TMEM132C: variants seen among roughly 807,000 people sequenced by gnomAD.
The protein encoded by TMEM132C is protein phosphatase 1, regulatory subunit 152.
TMEM132C carries 29 observed loss-of-function variants against 61.4 expected under a neutral mutation model. The observed-to-expected ratio is 0.47, with a 90% CI of 0.35 to 0.64. The LOEUF is 0.64. Ranked by LOEUF, TMEM132C falls within the 30% of genes least tolerant of loss-of-function variation. The pLI, the probability that TMEM132C is intolerant of heterozygous loss-of-function variation, is 0.00. For missense variants in TMEM132C, 1,408 were observed against 1,476.9 expected, an observed-to-expected ratio of 0.95 and a Z score of 0.76; for synonymous variants, 656 against 633.1, an observed-to-expected ratio of 1.04 and a Z score of -0.54.
intron 5 of TMEM132C, among the ~76,000 whole-genome samples, chr12:128,670,637 T>C (rs1954522961): frequency 2.0e-5 from 3 of 152,360 alleles, no homozygotes; most frequent in East Asian, 3.9e-4. Context: ...CAGTCTTCCA[T>C]TGTGTTTATA....
In TMEM132C at chr12:128,695,870, C is replaced by T. The variant is rs1325816965; in HGVS notation, c.1696C>T (p.Arg566Trp). The T allele has an allele frequency of 2.4e-5, 37 of 1,546,526 alleles. No individual in the cohort carries two copies. Among genetic ancestry groups the T allele is most frequent in the Non-Finnish European group, 2.9e-5 (33 of 1,144,270 alleles). ...CGAGGATGAGGACGAGGAGGAGCGG[C>T]GGGGCCGGGGCTGCGCACTGCAATA... Reference protein sequence around the residue: ...ESEDEDEEERRGRGCALQYQH... With the variant: ...ESEDEDEEERWGRGCALQYQH... The change falls in exon 7 of 9, where the codon CGG becomes TGG. Residue 566 changes from arginine to tryptophan, a missense_variant. Arg to Trp is a moderately radical substitution (Grantham distance 101). Transcript: ENST00000435159.
At chr12:128,703,681 C>A (rs1289908731) in intron 8 of TMEM132C, among the ~76,000 whole-genome samples, 12 of 152,198 alleles carry the variant, frequency 7.9e-5, no homozygotes, top group Admixed American at 7.9e-4. Flanking sequence ...TGTGTCTTCG[C>A]TATTGTGACT....
chr12:128,366,406 C>T (rs1565914241), intron 1 of TMEM132C, among the ~76,000 whole-genome samples: 1 of 152,178 alleles, frequency 6.6e-6, no homozygotes, highest in East Asian at 1.9e-4. Flanking sequence ...GGGTTTAAAA[C>T]AATGCATCAC....
chr12:128,532,970 C>G (rs115873271), intron 2 of TMEM132C, among the ~76,000 whole-genome samples: 263 of 152,304 alleles, frequency 1.7e-3, no homozygotes, highest in African/African-American at 6.2e-3. Context: ...AAACCCACAG[C>G]CCCCTTCCTT....
At chr12:128,445,210 T>C (rs1869936071) in intron 2 of TMEM132C, among the ~76,000 whole-genome samples, 1 of 145,556 alleles carries the variant, frequency 6.9e-6, no homozygotes, top group Non-Finnish European at 1.5e-5. Context: ...AAAAAAAAAC[T>C]ACAACTTTTT....
rs146930046 is a variant in TMEM132C, at chr12:128,339,209, G to A, written c.85+71722G>A. On this transcript the variant is annotated intron_variant, in intron 1 of 8. Transcript: ENST00000435159. ...GCATGTGGTCTGTGTTCAGGGAGAC[G>A]TGCCAGGGACCTCCAAGGGCTTCCA... Among the ~76,000 whole-genome samples the A allele has an allele frequency of 1.3e-3, 195 of 152,148 alleles. 1 individual carries two copies. Among genetic ancestry groups the A allele is most frequent in the African/African-American group, 4.0e-3 (168 of 41,520 alleles).
chr12:128,674,341 G>A (rs76206633), intron 5 of TMEM132C, among the ~76,000 whole-genome samples: 9,696 of 152,226 alleles, frequency 0.064, 904 homozygotes, highest in African/African-American at 0.21. Context: ...ACCATATTGT[G>A]TTCATCCATT....
chr12:128,436,818 A>G (rs574768642), intron 2 of TMEM132C, among the ~76,000 whole-genome samples: 9 of 152,222 alleles, frequency 5.9e-5, no homozygotes, highest in Non-Finnish European at 1.3e-4. Flanking sequence ...AGGATTATAA[A>G]TCATACTACT....
At position 128,705,934 on chromosome 12, in the gene TMEM132C, C is replaced by T. The variant is rs766343889; in HGVS notation, c.2966C>T (p.Pro989Leu). Residue 989 changes from proline to leucine, a missense_variant, in exon 9 of 9, where the codon CCG becomes CTG. Coordinates refer to ENST00000435159, the MANE Select transcript of TMEM132C (RefSeq NM_001136103.3). The stretch of plus-strand genomic sequence containing the variant: ...CTGGAGAGCATGGGGGATGCGCCGC[C>T]GCCCCAGGACGAGCACACCACCATC... ...ELLESMGDAP[P>L]PQDEHTTIID... is the part of the protein sequence containing the mutation. 68 of 1,551,338 alleles carry T rather than the reference C, an allele frequency of 4.4e-5. No homozygotes were observed. The highest frequency in any genetic ancestry group is 3.0e-4 in the South Asian group (25 of 84,058).
At chr12:128,700,251 G>A (rs144036037) in intron 8 of TMEM132C, among the ~76,000 whole-genome samples, 15 of 152,284 alleles carry the variant, frequency 9.9e-5, no homozygotes, top group African/African-American at 3.6e-4. Context: ...TGAAAGGATA[G>A]AGCTCTAAAT....
At chr12:128,647,750 G>T (rs1954221529) in intron 4 of TMEM132C, among the ~76,000 whole-genome samples, 1 of 150,952 alleles carries the variant, frequency 6.6e-6, no homozygotes, top group Admixed American at 6.6e-5. Flanking sequence ...GATCCCATCA[G>T]CGTTGGATGT....
At position 128,267,422 on chromosome 12, in the gene TMEM132C, C is replaced by A. The variant is rs1025546121; in HGVS notation, c.20C>A (p.Ala7Asp). Residue 7 changes from alanine to aspartate, a missense_variant, in exon 1 of 9, where the codon GCC becomes GAC. Coordinates refer to ENST00000435159, the MANE Select transcript of TMEM132C (RefSeq NM_001136103.3). MRSEGA[A>D]PGPAAPLCGA... The stretch of plus-strand genomic sequence containing the variant: ...CGCAGGATGCGCTCCGAGGGTGCGG[C>A]CCCCGGGCCGGCGGCGCCGCTGTGC... 8.1e-7 allele frequency: 1 copy of A among 1,232,116 alleles called. No individual in the cohort carries two copies. Among genetic ancestry groups the A allele is most frequent in the South Asian group, 3.2e-5 (1 of 30,830 alleles). The allele number at this position is 1,232,116 out of a possible 1,614,324, so 76.3% of individuals were successfully genotyped here. A position where few individuals can be genotyped will look rare whatever the true frequency, so the allele number is the denominator to read the frequency against.
chr12:128,496,303 T>A (rs1871954724), intron 2 of TMEM132C, among the ~76,000 whole-genome samples: 1 of 152,160 alleles, frequency 6.6e-6, no homozygotes, highest in Non-Finnish European at 1.5e-5. Context: ...ATCTGACAAT[T>A]ATGTGTCTTG....
intron 3 of TMEM132C, among the ~76,000 whole-genome samples, chr12:128,558,060 G>A (rs1197783071): frequency 1.3e-5 from 2 of 152,222 alleles, no homozygotes; most frequent in Non-Finnish European, 1.5e-5. Flanking sequence ...AGTAATAATA[G>A]TACCTTTGCT....
At chr12:128,569,906 A>G (rs1349707952) in intron 3 of TMEM132C, among the ~76,000 whole-genome samples, 1 of 152,222 alleles carries the variant, frequency 6.6e-6, no homozygotes, top group Non-Finnish European at 1.5e-5. Context: ...AAATAAAATA[A>G]AAAACCAACC....
At chr12:128,455,863 C>T (rs1320073440) in intron 2 of TMEM132C, among the ~76,000 whole-genome samples, 1 of 152,130 alleles carries the variant, frequency 6.6e-6, no homozygotes, top group Non-Finnish European at 1.5e-5. Context: ...CAGACTGTGG[C>T]CCCAGCAGCA....
At chr12:128,674,589 T>C (rs1954564677) in intron 5 of TMEM132C, among the ~76,000 whole-genome samples, 2 of 152,328 alleles carry the variant, frequency 1.3e-5, no homozygotes, top group South Asian at 2.1e-4. Flanking sequence ...ATCTGAGGGT[T>C]TCCTCTCCAG....
intron 1 of TMEM132C, among the ~76,000 whole-genome samples, chr12:128,399,580 T>C (rs56176022): frequency 0.075 from 11,417 of 152,224 alleles, 510 homozygotes; most frequent in Middle Eastern, 0.15. Flanking sequence ...AAAAACCATG[T>C]TTACATTTTC....
chr12:128,590,595 A>G (rs549701537), intron 3 of TMEM132C, among the ~76,000 whole-genome samples: 5 of 152,122 alleles, frequency 3.3e-5, no homozygotes, highest in Non-Finnish European at 7.4e-5. Context: ...ACAGCACCTC[A>G]GTCTTGGCAA....
Sources: allele counts gnomAD v4.1 joint callset (sites outside exome capture counted in the v4.1 genomes callset), GRCh38; gene constraint gnomAD v4.1.1; transcripts MANE v1.5; gene names NCBI Gene and HGNC (gene_info 2026-07-23, HGNC 2026-07-21).